GMDS: variants seen among roughly 807,000 people sequenced by gnomAD.
GMDS encodes GDP-mannose 4,6-dehydratase, also known as GDP-mannose 4,6 dehydratase.
Under a neutral mutation model 49.9 loss-of-function variants are expected in GMDS, and 20 were observed. The ratio of observed to expected loss-of-function variants is 0.40; its 90% CI spans 0.28 to 0.58. The LOEUF is 0.58. GMDS is among the 20% of genes least tolerant of loss of function. The pLI is 0.42. For missense variants in GMDS, 362 were observed against 481.4 expected (o/e 0.75, Z 2.32); for synonymous variants, 177 against 178.6 (o/e 0.99, Z 0.07).
At chr6:1,864,713 C>T (rs913274073) in intron 7 of GMDS, among the ~76,000 whole-genome samples, 3 of 152,102 alleles carry the variant, frequency 2.0e-5, no homozygotes, top group East Asian at 1.9e-4. Context: ...GTCAGTGCAC[C>T]GCCTCACTGC....
intron 8 of GMDS, among the ~76,000 whole-genome samples, chr6:1,735,003 C>T (rs542419068): frequency 2.4e-4 from 37 of 152,338 alleles, no homozygotes; most frequent in African/African-American, 8.2e-4. Context: ...TCATTAAATG[C>T]GCTCCAGCTG....
chr6:2,149,016 G>A (rs1366262915), intron 1 of GMDS, among the ~76,000 whole-genome samples: 4 of 152,144 alleles, frequency 2.6e-5, no homozygotes, highest in Non-Finnish European at 4.4e-5. Context: ...GACATGGAGA[G>A]CACCTGAGGG....
At chr6:2,123,829 AAGGCTCTC>A in intron 2 of GMDS, among the ~76,000 whole-genome samples, 2 of 152,356 alleles carry the variant, frequency 1.3e-5, no homozygotes, top group South Asian at 4.1e-4. Flanking sequence ...TCTAAAAGTC[AAGGCTCTC>A]AGATTATGAG....
At chr6:1,798,076 A>C (rs1319790124) in intron 7 of GMDS, among the ~76,000 whole-genome samples, 1 of 152,248 alleles carries the variant, frequency 6.6e-6, no homozygotes, top group Non-Finnish European at 1.5e-5. Context: ...GTCAAAGGAC[A>C]CAAAGTTTTC....
intron 9 of GMDS, among the ~76,000 whole-genome samples, chr6:1,690,459 CTT>C (rs1336376972): frequency 6.6e-6 from 1 of 152,176 alleles, no homozygotes; most frequent in African/African-American, 2.4e-5. Flanking sequence ...TCTCCCAATA[CTT>C]TATGAAATAG....
At chr6:1,904,070 G>A (rs1169228898) in intron 7 of GMDS, among the ~76,000 whole-genome samples, 1 of 152,172 alleles carries the variant, frequency 6.6e-6, no homozygotes, top group Non-Finnish European at 1.5e-5. Context: ...ACAGAAAAGC[G>A]CTGTTGAATG....
chr6:1,669,115 T>C (rs916000528), intron 9 of GMDS, among the ~76,000 whole-genome samples: 2 of 152,234 alleles, frequency 1.3e-5, no homozygotes, highest in Admixed American at 1.3e-4. Flanking sequence ...CTGCCCTGAT[T>C]AAAAGAATTA....
chr6:2,142,709 G>A (rs532732826), intron 1 of GMDS, among the ~76,000 whole-genome samples: 2 of 152,246 alleles, frequency 1.3e-5, no homozygotes, highest in African/African-American at 4.8e-5. Flanking sequence ...AGCCCTAGTG[G>A]ACTAACACAA....
chr6:1,832,729 A>T (rs1756719635), intron 7 of GMDS, among the ~76,000 whole-genome samples: 1 of 152,228 alleles, frequency 6.6e-6, no homozygotes, highest in Non-Finnish European at 1.5e-5. Flanking sequence ...TGAGAAAAGA[A>T]TGAACAAAGT....
At chr6:1,765,442 C>G (rs558799709) in intron 7 of GMDS, among the ~76,000 whole-genome samples, 101 of 152,288 alleles carry the variant, frequency 6.6e-4, no homozygotes, top group Admixed American at 1.4e-3. Flanking sequence ...GATAAGAAGG[C>G]GCTAGGCAAG....
intron 1 of GMDS, among the ~76,000 whole-genome samples, chr6:2,215,748 C>T (rs1029774729): frequency 2.0e-5 from 3 of 152,098 alleles, no homozygotes; most frequent in African/African-American, 7.2e-5. Flanking sequence ...TTTAATGTAT[C>T]ACCTTATTCG....
chr6:2,231,781 A>G (rs1345966443), intron 1 of GMDS, among the ~76,000 whole-genome samples: 1 of 152,206 alleles, frequency 6.6e-6, no homozygotes, highest in African/African-American at 2.4e-5. Flanking sequence ...TCATTTATAT[A>G]TGAGATAACG....
At chr6:1,855,454 A>G (rs1161720190) in intron 7 of GMDS, among the ~76,000 whole-genome samples, 16 of 152,230 alleles carry the variant, frequency 1.1e-4, no homozygotes, top group Admixed American at 9.2e-4. Flanking sequence ...AGTTAACACT[A>G]AACAGAACAG....
chr6:1,810,766 G>A (rs3800078), intron 7 of GMDS, among the ~76,000 whole-genome samples: 7,145 of 152,218 alleles, frequency 0.047, 344 homozygotes, highest in East Asian at 0.12. Context: ...GGCCAATGGC[G>A]AGATCAGATT....
At chr6:2,164,603 G>A (rs1777568949) in intron 1 of GMDS, among the ~76,000 whole-genome samples, 1 of 152,148 alleles carries the variant, frequency 6.6e-6, no homozygotes, top group African/African-American at 2.4e-5. Context: ...GCTTCATCAG[G>A]ATCTTCCCAC....
intron 6 of GMDS, among the ~76,000 whole-genome samples, chr6:1,945,221 T>C (rs1425612643): frequency 6.6e-6 from 1 of 152,016 alleles, no homozygotes; most frequent in African/African-American, 2.4e-5. Flanking sequence ...TGACTTAGCC[T>C]CTCTGCTTGA....
Position 2,022,692 on chromosome 6 carries a change from AT to A in GMDS, c.346-61727del, listed in dbSNP as rs1768350884. Among the ~76,000 whole-genome samples the A allele has an allele frequency of 2.6e-5, 4 of 152,296 alleles. No homozygotes were observed. In the South Asian group the frequency reaches 8.3e-4, roughly 32 times the overall value. ...AGAATTTTAGACTACTAAAATCTGT[AT>A]TTTTGAATTTCATTCTATTGACTGC... On this transcript the variant is annotated intron_variant, in intron 4 of 10. Transcript: ENST00000380815.
chr6:2,084,655 C>T (rs1024297803), intron 4 of GMDS, among the ~76,000 whole-genome samples: 10 of 152,118 alleles, frequency 6.6e-5, no homozygotes, highest in Admixed American at 1.3e-4. Flanking sequence ...TACAGGCGCC[C>T]GCCACCACGC....
intron 1 of GMDS, among the ~76,000 whole-genome samples, chr6:2,132,661 T>C (rs888498342): frequency 6.6e-6 from 1 of 152,220 alleles, no homozygotes; most frequent in African/African-American, 2.4e-5. Flanking sequence ...ACCTCTTCTA[T>C]ACTGGATGGC....
Sources: allele counts gnomAD v4.1 joint callset (sites outside exome capture counted in the v4.1 genomes callset), GRCh38; gene constraint gnomAD v4.1.1; transcripts MANE v1.5; gene names NCBI Gene and HGNC (gene_info 2026-07-23, HGNC 2026-07-21).